GABRG3: variants seen among roughly 807,000 people sequenced by gnomAD.
GABRG3 encodes gamma-aminobutyric acid receptor subunit gamma-3.
A neutral mutation model predicts 48.8 loss-of-function variants in GABRG3; 25 were observed. The observed-to-expected ratio is 0.51, with a 90% CI of 0.37 to 0.72. GABRG3 has a LOEUF of 0.72. GABRG3 is among the 30% of genes least tolerant of loss of function. The probability of loss-of-function intolerance (pLI) is 0.00; values close to 1 mark genes in which losing one functional copy is unlikely to be tolerated. For missense variants in GABRG3, 394 were observed against 577.9 expected (o/e 0.68, Z 3.26); for synonymous variants, 227 against 217.6 (o/e 1.04, Z -0.38).
intron 3 of GABRG3, among the ~76,000 whole-genome samples, chr15:27,190,377 G>A (rs13380044): frequency 9.3e-4 from 141 of 152,224 alleles, no homozygotes; most frequent in Non-Finnish European, 1.2e-3. Context: ...TGGTTGGTAA[G>A]CTATTGATTA....
chr15:27,166,671 T>TG (rs1887384693), intron 3 of GABRG3, among the ~76,000 whole-genome samples: 1 of 152,136 alleles, frequency 6.6e-6, no homozygotes. Context: ...GAACTGGGAT[T>TG]GGGGTGGCAA....
chr15:27,316,485 G>A (rs1037005087), intron 3 of GABRG3, among the ~76,000 whole-genome samples: 2 of 152,024 alleles, frequency 1.3e-5, no homozygotes, highest in Non-Finnish European at 2.9e-5. Context: ...TAGAAAATTG[G>A]GAAGTCACGA....
At chr15:27,323,598 C>T (rs117491870) in intron 3 of GABRG3, among the ~76,000 whole-genome samples, 1,734 of 152,300 alleles carry the variant, frequency 0.011, 14 homozygotes, top group Admixed American at 0.021. Flanking sequence ...CATCGTTAAG[C>T]TCAAATCCTG....
intron 5 of GABRG3, among the ~76,000 whole-genome samples, chr15:27,429,076 C>A (rs866030838): frequency 6.6e-6 from 1 of 152,126 alleles, no homozygotes; most frequent in Non-Finnish European, 1.5e-5. Flanking sequence ...TCTAGAATGA[C>A]AGATCTCACT....
chr15:27,050,006 G>A (rs150046394), intron 3 of GABRG3, among the ~76,000 whole-genome samples: 4 of 152,328 alleles, frequency 2.6e-5, no homozygotes, highest in African/African-American at 9.6e-5. Flanking sequence ...TAATAAGTGG[G>A]TTTCTCTATT....
At chr15:27,275,953 C>T (rs988131095) in intron 3 of GABRG3, among the ~76,000 whole-genome samples, 2 of 152,174 alleles carry the variant, frequency 1.3e-5, no homozygotes, top group African/African-American at 4.8e-5. Context: ...CAATAATGAC[C>T]TTCTGCAGGT....
chr15:27,023,644 T>G (rs575949564), intron 2 of GABRG3, among the ~76,000 whole-genome samples: 41 of 152,388 alleles, frequency 2.7e-4, no homozygotes, highest in African/African-American at 9.6e-4. Flanking sequence ...CACGATATCC[T>G]TCCTCTTTAA....
chr15:27,477,311 A>G (rs974803818), intron 5 of GABRG3, among the ~76,000 whole-genome samples: 1 of 152,244 alleles, frequency 6.6e-6, no homozygotes, highest in Non-Finnish European at 1.5e-5. Flanking sequence ...TATTACTAAT[A>G]AGCAAACCTG....
intron 3 of GABRG3, among the ~76,000 whole-genome samples, chr15:27,101,682 A>G (rs1188269851): frequency 6.6e-6 from 1 of 152,104 alleles, no homozygotes; most frequent in Non-Finnish European, 1.5e-5. Context: ...ATGGAGGAAG[A>G]AGGCACTGGA....
At chr15:27,497,560 A>C (rs921802711) in intron 6 of GABRG3, among the ~76,000 whole-genome samples, 3 of 152,222 alleles carry the variant, frequency 2.0e-5, no homozygotes, top group African/African-American at 7.2e-5. Flanking sequence ...AAATTTCTTT[A>C]TTCTTAAATG....
chr15:27,032,248 C>G (rs1896099310), intron 3 of GABRG3, among the ~76,000 whole-genome samples: 1 of 152,150 alleles, frequency 6.6e-6, no homozygotes, highest in East Asian at 1.9e-4. Flanking sequence ...TGTTAGTTCT[C>G]TGGTGCGATT....
intron 5 of GABRG3, among the ~76,000 whole-genome samples, chr15:27,398,435 ATATG>A (rs1887380151): frequency 6.6e-6 from 1 of 152,230 alleles, no homozygotes; most frequent in Non-Finnish European, 1.5e-5. Context: ...AATCACAAAT[ATATG>A]TATTCATACG....
At chr15:27,165,676 A>G (rs1887347723) in intron 3 of GABRG3, among the ~76,000 whole-genome samples, 1 of 151,804 alleles carries the variant, frequency 6.6e-6, no homozygotes, top group Admixed American at 6.6e-5. Context: ...TCACACAATA[A>G]TTTAAGTCTG....
At chr15:27,304,438 G>T (rs536504561) in intron 3 of GABRG3, among the ~76,000 whole-genome samples, 2 of 151,828 alleles carry the variant, frequency 1.3e-5, no homozygotes, top group East Asian at 1.9e-4. Context: ...TCTTATAGTT[G>T]TGAAGGTCAT....
intron 7 of GABRG3, among the ~76,000 whole-genome samples, 195 bp from the exon 8 acceptor site, chr15:27,527,238 A>G (rs1891299174): frequency 6.6e-6 from 1 of 152,238 alleles, no homozygotes; most frequent in Admixed American, 6.5e-5. Flanking sequence ...TGTGAAGACT[A>G]TAATAAGAAA....
At chr15:27,003,224 TTTATTTATTTA>T (rs1188331753) in intron 2 of GABRG3, among the ~76,000 whole-genome samples, 4 of 148,596 alleles carry the variant, frequency 2.7e-5, no homozygotes, top group African/African-American at 9.8e-5. Context: ...TATTTATTTA[TTTATTTATTTA>T]TTTTTTATTG....
Position 26,977,075 on chromosome 15 carries a change from C to T in GABRG3, c.127C>T (p.Gln43Ter). The T allele has an allele frequency of 6.2e-7, 1 of 1,613,896 alleles. No homozygotes were observed. The highest frequency in any genetic ancestry group is 8.5e-7 in the Non-Finnish European group (1 of 1,179,842). The change falls in exon 2 of 10, where the codon CAA becomes TAA. Residue 43 changes from glutamine (Q) to a stop codon, truncating the protein, a stop_gained. Coordinates refer to ENST00000615808, the MANE Select transcript of GABRG3 (RefSeq NM_033223.5). LOFTEE classifies it high-confidence loss of function. ...NQKWVLAPKS[Q>*]DTDVTLILNK... Reference sequence around the variant, plus strand: ...AAAGTGGGTCTTGGCTCCAAAATCCCAAGACACCGACGTGACTCTTATTCT... The same window carrying T: ...AAAGTGGGTCTTGGCTCCAAAATCCTAAGACACCGACGTGACTCTTATTCT...
intron 3 of GABRG3, among the ~76,000 whole-genome samples, chr15:27,279,361 T>C (rs1268252605): frequency 6.6e-6 from 1 of 152,226 alleles, no homozygotes; most frequent in Admixed American, 6.5e-5. Context: ...GAAGATTTTC[T>C]CTTAGGTTTT....
chr15:27,081,564 TG>T (rs112021441), intron 3 of GABRG3, among the ~76,000 whole-genome samples: 29,305 of 152,070 alleles, frequency 0.19, 2,887 homozygotes, highest in Middle Eastern at 0.25. Context: ...CTTATCAATG[TG>T]TGGGTGCAGC....
Sources: gnomAD v4.1 joint callset for allele counts (sites outside exome capture counted in the v4.1 genomes callset) on GRCh38, gnomAD v4.1.1 for gene constraint, MANE v1.5 for transcripts, NCBI Gene and HGNC (gene_info 2026-07-23, HGNC 2026-07-21) for gene names.